ADGRV1: variants seen among roughly 807,000 people sequenced by gnomAD.
ADGRV1 encodes the protein adhesion G protein-coupled receptor V1, also known as G-protein coupled receptor 98.
Under a neutral mutation model 596.2 loss-of-function variants are expected in ADGRV1, and 359 were observed. The ratio of observed to expected loss-of-function variants is 0.60; its 90% CI spans 0.55 to 0.66. The LOEUF (loss-of-function observed/expected upper bound fraction) is 0.66, where lower values mean the gene tolerates loss of function less well. Ranked by LOEUF, ADGRV1 falls within the 30% of genes least tolerant of loss-of-function variation. ADGRV1 has a pLI of 0.00. For synonymous variants in ADGRV1, 2,681 were observed against 2,679.2 expected (o/e 1.00, Z -0.02); for missense variants, 7,274 against 7,575.6 (o/e 0.96, Z 1.48).
intron 88 of ADGRV1, among the ~76,000 whole-genome samples, chr5:91,152,896 C>G (rs1241820855): frequency 6.6e-6 from 1 of 152,018 alleles, no homozygotes; most frequent in Non-Finnish European, 1.5e-5. Context: ...AGGTGGGTCT[C>G]TAACTCCTGG....
chr5:90,925,879 A>G (rs997882315), intron 83 of ADGRV1, among the ~76,000 whole-genome samples: 1 of 129,144 alleles, frequency 7.7e-6, no homozygotes, highest in African/African-American at 2.8e-5. Context: ...TTCTGCATCT[A>G]TTGAGATAAT....
At chr5:91,163,349 A>G (rs1797109328) in intron 89 of ADGRV1, among the ~76,000 whole-genome samples, 1 of 152,232 alleles carries the variant, frequency 6.6e-6, no homozygotes, top group Admixed American at 6.5e-5. Context: ...ATCACTGCCC[A>G]ACACTGAATC....
rs1329674289 is a variant in ADGRV1 at position 90,692,719 on chromosome 5, C to T, written c.7066C>T (p.Gln2356Ter). 1.2e-6 allele frequency: 2 copies of T among 1,609,834 alleles called. No individual in the cohort carries two copies. Among genetic ancestry groups the T allele is most frequent in the Non-Finnish European group, 1.7e-6 (2 of 1,178,038 alleles). The change falls in exon 32 of 90, where the codon CAG becomes TAG. Residue 2356 changes from glutamine (Q) to a stop codon, truncating the protein, a stop_gained. Transcript: ENST00000405460. LOFTEE classifies it high-confidence loss of function. ...TCCTTATGGTACAGTAGCCTTTGCTCAGATGGTTTATCGTGTTCAAGAGCC... is the reference window on the plus strand; with the variant it reads ...TCCTTATGGTACAGTAGCCTTTGCTTAGATGGTTTATCGTGTTCAAGAGCC... ...DDPYGTVAFA[Q>*]MVYRVQEPLE...
chr5:90,990,966 G>A (rs1456425335), intron 85 of ADGRV1, among the ~76,000 whole-genome samples: 4 of 151,992 alleles, frequency 2.6e-5, no homozygotes, highest in African/African-American at 9.7e-5. Context: ...GGGGAAAAGA[G>A]AATATAAAAA....
chr5:90,801,979 T>C (rs1242876773), intron 70 of ADGRV1, among the ~76,000 whole-genome samples: 1 of 152,192 alleles, frequency 6.6e-6, no homozygotes, highest in East Asian at 1.9e-4. Context: ...TCATTTTGAG[T>C]AAATATGATG....
intron 74 of ADGRV1, 120 bp from the exon 75 acceptor site, chr5:90,815,499 T>A: frequency 1.8e-6 from 1 of 560,604 alleles, no homozygotes; most frequent in Admixed American, 3.1e-5. Flanking sequence ...CAACTGTAGC[T>A]CTCCTCACCA....
chr5:91,014,175 C>CACACACACACACACACACA lies in ADGRV1; in HGVS notation c.18152+28653_18152+28654insACACACACACACACACACA, dbSNP rs56200811. Among the ~76,000 whole-genome samples the CACACACACACACACACACA allele has an allele frequency of 9.7e-4, 139 of 143,446 alleles. 2 individuals are homozygous for CACACACACACACACACACA. Among genetic ancestry groups the CACACACACACACACACACA allele is most frequent in the Middle Eastern group, 3.5e-3 (1 of 284 alleles). The allele number at this position is 143,446 out of a possible 152,430, so 94.1% of individuals were successfully genotyped here. The stretch of plus-strand genomic sequence containing the variant: ...ACACACACACACACACACACACACA[C>CACACACACACACACACACA]CCCTAGACATACAGCTAACCAGGGA... On this transcript the variant is annotated intron_variant, in intron 85 of 89. Coordinates refer to ENST00000405460, the MANE Select transcript of ADGRV1 (RefSeq NM_032119.4).
chr5:90,960,102 G>A (rs1777871529), intron 83 of ADGRV1, among the ~76,000 whole-genome samples: 1 of 147,324 alleles, frequency 6.8e-6, no homozygotes, highest in East Asian at 2.0e-4. Context: ...TCGCGCCACT[G>A]CACTCCAGCC....
rs374348637 is a variant in ADGRV1, at chr5:90,778,861, A to T, written c.12850-4A>T. 6.2e-6 allele frequency: 10 copies of T among 1,601,770 alleles called. No homozygotes were observed. The highest frequency in any genetic ancestry group is 3.3e-4 in the Middle Eastern group (2 of 6,034). Reference sequence around the variant, plus strand: ...AATCAAATAAGAAAATGCATTTTGCATAGGTTAACATCACAATCATCCGTT... The same window carrying T: ...AATCAAATAAGAAAATGCATTTTGCTTAGGTTAACATCACAATCATCCGTT... On this transcript the variant is annotated splice_polypyrimidine_tract_variant and splice_region_variant and intron_variant, in intron 63 of 89. Transcript: ENST00000405460.
intron 86 of ADGRV1, among the ~76,000 whole-genome samples, chr5:91,079,823 A>C (rs890017042): frequency 1.3e-5 from 2 of 152,170 alleles, no homozygotes; most frequent in African/African-American, 4.8e-5. Context: ...TATTATGTTT[A>C]ATTGACATCT....
intron 83 of ADGRV1, among the ~76,000 whole-genome samples, chr5:90,889,020 A>C (rs1485688237): frequency 6.6e-6 from 1 of 152,102 alleles, no homozygotes; most frequent in East Asian, 1.9e-4. Flanking sequence ...TTGTCTGTTG[A>C]ATAAGGTGTG....
chr5:90,849,792 A>C (rs1233761248), intron 79 of ADGRV1, among the ~76,000 whole-genome samples: 1 of 152,228 alleles, frequency 6.6e-6, no homozygotes, highest in Non-Finnish European at 1.5e-5. Flanking sequence ...AATGATACAA[A>C]TGATATTAAT....
At chr5:90,587,364 CCCTTATGAT>C (rs1429741882) in intron 1 of ADGRV1, among the ~76,000 whole-genome samples, 1 of 151,992 alleles carries the variant, frequency 6.6e-6, no homozygotes, top group Non-Finnish European at 1.5e-5. Flanking sequence ...AAAGTCTGGG[CCCTTATGAT>C]CCTTATTGTT....
intron 81 of ADGRV1, 35 bp from the exon 82 acceptor site, chr5:90,855,706 A>T: frequency 6.7e-7 from 1 of 1,490,728 alleles, no homozygotes. Context: ...AGTATTGATG[A>T]AAGAGGAAAA....
chr5:91,110,384 G>A (rs1792264243), intron 87 of ADGRV1, among the ~76,000 whole-genome samples: 1 of 152,170 alleles, frequency 6.6e-6, no homozygotes, highest in African/African-American at 2.4e-5. Flanking sequence ...GCATCTCTAG[G>A]CTTCCTGACA....
intron 83 of ADGRV1, among the ~76,000 whole-genome samples, chr5:90,924,364 C>T (rs1774201687): frequency 6.6e-6 from 1 of 151,952 alleles, no homozygotes; most frequent in African/African-American, 2.4e-5. Context: ...TTTTGATTTG[C>T]ATTTCTCTGA....
In ADGRV1 at chr5:91,075,148, G is replaced by A. The variant is rs149722870; in HGVS notation, c.18310+2544G>A. Among the ~76,000 whole-genome samples the A allele has an allele frequency of 1.8e-3, 267 of 152,184 alleles. 1 individual carries two copies. Among genetic ancestry groups the A allele is most frequent in the African/African-American group, 5.9e-3 (244 of 41,538 alleles). On this transcript the variant is annotated intron_variant, in intron 86 of 89. Transcript: ENST00000405460. ...ATTCTGTAGGTTGCCTTTTTACTGT[G>A]TTGATAATTTCTTTTGCTGTGCAGG... is the stretch of plus-strand genomic sequence containing the variant.
In ADGRV1 at chr5:90,776,543, C is replaced by G. The variant is rs1390077215; in HGVS notation, c.12494C>G (p.Pro4165Arg). ...PSSRHILIGE[P>R]SAKYNGTAII... The stretch of plus-strand genomic sequence containing the variant: ...TCTAGGCACATCCTCATTGGGGAAC[C>G]CTCAGCAAAATATAATGGTACCGCT... The change falls in exon 61 of 90, where the codon CCC becomes CGC. Residue 4165 changes from proline to arginine, a missense_variant. Around this residue, in one of 5 missense-constraint regions of ADGRV1, gnomAD observed 3,643 missense variants for 3,809.2 expected, o/e 0.96. Transcript: ENST00000405460. The G allele has an allele frequency of 6.2e-7, 1 of 1,613,278 alleles. No homozygotes were observed. The highest frequency in any genetic ancestry group is 1.1e-5 in the South Asian group (1 of 91,058).
At chr5:91,090,884 G>A (rs1178194339) in intron 86 of ADGRV1, among the ~76,000 whole-genome samples, 1 of 152,154 alleles carries the variant, frequency 6.6e-6, no homozygotes, top group East Asian at 1.9e-4. Context: ...GATGGCATGG[G>A]AGAGAGTAGA....
Sources: allele counts gnomAD v4.1 joint callset (sites outside exome capture counted in the v4.1 genomes callset), GRCh38; gene constraint gnomAD v4.1.1; regional missense constraint gnomAD v4.1.1; transcripts MANE v1.5; gene names NCBI Gene and HGNC (gene_info 2026-07-23, HGNC 2026-07-21).